The following STK32A variants were observed in gnomAD, a reference collection of about 807,000 sequenced individuals.
The protein encoded by STK32A is serine/threonine-protein kinase 32A.
Under a neutral mutation model 53.2 loss-of-function variants are expected in STK32A, and 41 were observed. The observed-to-expected ratio is 0.77, with a 90% CI of 0.60 to 1.00. STK32A has a LOEUF of 1.00. Among genes scored for constraint, STK32A ranks in the 50% least tolerant of loss-of-function variants. STK32A has a pLI of 0.00. For synonymous variants in STK32A, 166 were observed against 162.8 expected, an observed-to-expected ratio of 1.02 and a Z score of -0.15; for missense variants, 458 against 485.8, an observed-to-expected ratio of 0.94 and a Z score of 0.54.
intron 11 of STK32A, among the ~76,000 whole-genome samples, chr5:147,376,470 C>A (rs1757236625): frequency 6.6e-6 from 1 of 152,110 alleles, no homozygotes; most frequent in Non-Finnish European, 1.5e-5. Flanking sequence ...GATAACAGGA[C>A]CTAACATGTG....
intron 7 of STK32A, among the ~76,000 whole-genome samples, chr5:147,353,640 G>A (rs1561742143): frequency 6.6e-6 from 1 of 152,038 alleles, no homozygotes; most frequent in Non-Finnish European, 1.5e-5. Context: ...TGCATCTGTA[G>A]TCATAGCTAC....
At position 147,370,657 on chromosome 5, in the gene STK32A, C is replaced by T; in HGVS notation, c.664C>T (p.Pro222Ser). Reference protein sequence around the residue: ...TAYELLRGRRPYHIRSSTSSK... With the variant: ...TAYELLRGRRSYHIRSSTSSK... ...TTTACTTCTTTTCTCCCTTAAGAGACCGTATCATATTCGCTCCAGTACTTC... is the reference window on the plus strand; with the variant it reads ...TTTACTTCTTTTCTCCCTTAAGAGATCGTATCATATTCGCTCCAGTACTTC... Residue 222 changes from proline to serine, a missense_variant, in exon 9 of 13, where the codon CCG (proline) becomes TCG (serine). Coordinates refer to ENST00000397936, the MANE Select transcript of STK32A (RefSeq NM_001112724.2). 1.2e-6 allele frequency: 2 copies of T among 1,605,468 alleles called. No individual in the cohort carries two copies. Among genetic ancestry groups the T allele is most frequent in the South Asian group, 2.2e-5 (2 of 90,778 alleles).
intron 2 of STK32A, among the ~76,000 whole-genome samples, chr5:147,251,738 T>C (rs1298606797): frequency 6.6e-6 from 1 of 151,858 alleles, no homozygotes. Flanking sequence ...CTCACATGCA[T>C]ATGCCTTAGA....
chr5:147,333,463 T>C (rs1754972185), intron 5 of STK32A, among the ~76,000 whole-genome samples: 1 of 152,226 alleles, frequency 6.6e-6, no homozygotes, highest in African/African-American at 2.4e-5. Context: ...ATGGTGTTTG[T>C]CACCAGCAAT....
chr5:147,397,444 G>T, the STK32A span, among the ~76,000 whole-genome samples: 68,387 of 151,834 alleles, frequency 0.45, 16,145 homozygotes, highest in African/African-American at 0.56. Context: ...ATAAAAATGT[G>T]GGAAAAGTCA....
At chr5:147,329,508 G>A (rs1034307144) in intron 5 of STK32A, among the ~76,000 whole-genome samples, 3 of 152,230 alleles carry the variant, frequency 2.0e-5, no homozygotes, top group Non-Finnish European at 2.9e-5. Context: ...TAATATTATA[G>A]TGTGAAAAAT....
Position 147,387,209 on chromosome 5 carries a change from G to A in STK32A, c.*3226G>A, listed in dbSNP as rs1001284243. On this transcript the variant is annotated 3_prime_UTR_variant, in exon 13 of 13. Transcript: ENST00000397936. ...TGACCTCGAGTAGATGCGTAGGGCAGTCAAACCCGGCAACTTATGCCACAA... is the reference window on the plus strand; with the variant it reads ...TGACCTCGAGTAGATGCGTAGGGCAATCAAACCCGGCAACTTATGCCACAA... 6.6e-6 allele frequency: 1 copy of A among 152,240 alleles called. No individual in the cohort carries two copies. The highest frequency in any genetic ancestry group is 2.4e-5 in the African/African-American group (1 of 41,468). 9.4% of individuals were successfully genotyped at this position (152,240 alleles called of 1,614,324 possible). A position where few individuals can be genotyped will look rare whatever the true frequency, so the allele number is the denominator to read the frequency against.
At chr5:147,371,932 G>A (rs1239233503) in intron 9 of STK32A, among the ~76,000 whole-genome samples, 1 of 152,142 alleles carries the variant, frequency 6.6e-6, no homozygotes. Flanking sequence ...CTTGGTGTAA[G>A]TTCACATAAC....
chr5:147,314,188 A>C (rs1753843617), intron 4 of STK32A, among the ~76,000 whole-genome samples: 1 of 152,154 alleles, frequency 6.6e-6, no homozygotes, highest in Non-Finnish European at 1.5e-5. Context: ...ATATCTACTA[A>C]AGGATGTGCA....
rs183994672 is a variant in STK32A, at chr5:147,362,497, G to C, written c.660+883G>C. 3.0e-4 allele frequency among the ~76,000 whole-genome samples: 45 copies of C among 152,244 alleles called. 1 individual carries two copies. Among genetic ancestry groups the C allele is most frequent in the Non-Finnish European group, 6.3e-4 (43 of 68,032 alleles). ...ACCTAACCCTTATTCCCTCTCAGAG[G>C]CTCCATTTCCAAATACCATCAAATT... On this transcript the variant is annotated intron_variant, in intron 8 of 12. Coordinates refer to ENST00000397936, the MANE Select transcript of STK32A (RefSeq NM_001112724.2).
intron 4 of STK32A, among the ~76,000 whole-genome samples, chr5:147,301,107 G>A (rs1166099476): frequency 1.3e-5 from 2 of 152,170 alleles, no homozygotes; most frequent in Non-Finnish European, 2.9e-5. Context: ...TGAGGTTACA[G>A]AAAGAGCTTG....
intron 11 of STK32A, 100 bp from the exon 12 acceptor site, chr5:147,383,341 G>A (rs1561761228): frequency 4.3e-6 from 4 of 930,252 alleles, no homozygotes; most frequent in African/African-American, 3.3e-5. Context: ...TCAATTTGGG[G>A]CTATTCATTG....
chr5:147,360,860 G>C (rs1055940737), intron 7 of STK32A, among the ~76,000 whole-genome samples: 7 of 152,202 alleles, frequency 4.6e-5, no homozygotes, highest in Non-Finnish European at 8.8e-5. Context: ...AAAGTGCTTA[G>C]AGAATGCATA....
chr5:147,260,028 CTCTT>C (rs1561674631), intron 2 of STK32A, among the ~76,000 whole-genome samples: 1 of 143,210 alleles, frequency 7.0e-6, no homozygotes, highest in Non-Finnish European at 1.5e-5. Flanking sequence ...TTTGTCCTCT[CTCTT>C]TCTCTCTCCT....
chr5:147,300,948 G>A (rs1044074724), intron 4 of STK32A, among the ~76,000 whole-genome samples: 4 of 152,172 alleles, frequency 2.6e-5, no homozygotes, highest in Non-Finnish European at 5.9e-5. Context: ...TGGCACAGGG[G>A]CCAAGGGAAA....
chr5:147,361,076 A>G (rs1756483149), intron 7 of STK32A, among the ~76,000 whole-genome samples: 1 of 152,172 alleles, frequency 6.6e-6, no homozygotes, highest in Admixed American at 6.5e-5. Flanking sequence ...GGTGACTCTG[A>G]GATAGAGAGA....
At chr5:147,274,509 A>T (rs1755170597) in intron 2 of STK32A, among the ~76,000 whole-genome samples, 1 of 152,170 alleles carries the variant, frequency 6.6e-6, no homozygotes, top group Non-Finnish European at 1.5e-5. Flanking sequence ...GTTAGAGAAA[A>T]CAATGCAAGG....
At chr5:147,319,558 C>T (rs1754196018) in intron 4 of STK32A, among the ~76,000 whole-genome samples, 1 of 152,108 alleles carries the variant, frequency 6.6e-6, no homozygotes, top group Non-Finnish European at 1.5e-5. Flanking sequence ...AAATGAACTT[C>T]ACACTAGGTA....
chr5:147,343,205 A>G, intron 6 of STK32A, 162 bp downstream of exon 6: 1 of 802,808 alleles, frequency 1.2e-6, no homozygotes, highest in South Asian at 1.3e-5. Context: ...TTTATTACTT[A>G]TGGCAGGTTA....
Sources: gnomAD v4.1 joint callset for allele counts (sites outside exome capture counted in the v4.1 genomes callset) on GRCh38, gnomAD v4.1.1 for gene constraint, MANE v1.5 for transcripts, NCBI Gene and HGNC (gene_info 2026-07-23, HGNC 2026-07-21) for gene names.